The following DMRT1 variants were observed in gnomAD, a reference collection of about 807,000 sequenced individuals.
DMRT1 encodes the protein doublesex- and mab-3-related transcription factor 1.
Under a neutral mutation model 32.3 loss-of-function variants are expected in DMRT1, and 7 were observed. That is an observed-to-expected ratio of 0.22 (90% confidence interval 0.12 to 0.41). DMRT1 has a LOEUF of 0.41. DMRT1 is among the 10% of genes least tolerant of loss of function. The pLI is 1.00. For synonymous variants in DMRT1, 278 were observed against 206.1 expected (o/e 1.35, Z -2.99); for missense variants, 625 against 500.5 (o/e 1.25, Z -2.37).
chr9:876,808 G>C (rs1816520706), intron 2 of DMRT1, among the ~76,000 whole-genome samples: 1 of 152,190 alleles, frequency 6.6e-6, no homozygotes, highest in East Asian at 1.9e-4. Flanking sequence ...TGAGATTACA[G>C]GCATGACCAC....
intron 2 of DMRT1, among the ~76,000 whole-genome samples, chr9:888,726 G>A (rs555615612): frequency 7.0e-6 from 1 of 143,522 alleles, no homozygotes; most frequent in South Asian, 2.2e-4. Context: ...CTGTCACAGC[G>A]ATGCAGTCAG....
chr9:948,347 A>AT (rs1819315165), intron 4 of DMRT1, among the ~76,000 whole-genome samples: 1 of 152,054 alleles, frequency 6.6e-6, no homozygotes, highest in South Asian at 2.1e-4. Context: ...TATTTGGCCC[A>AT]TTTTTTCTCC....
At position 908,389 on chromosome 9, in the gene DMRT1, T is replaced by C. The variant is rs1374977041; in HGVS notation, c.823-8374T>C. 2.6e-5 allele frequency among the ~76,000 whole-genome samples: 4 copies of C among 152,154 alleles called. No homozygotes were observed. In the East Asian group the frequency reaches 7.7e-4, roughly 29 times the overall value. ...GAGAGGATCACTTGAGCCCACGAGATTGAGGCTGCAGTGAGCTGCGATCAC... is the reference window on the plus strand; with the variant it reads ...GAGAGGATCACTTGAGCCCACGAGACTGAGGCTGCAGTGAGCTGCGATCAC... On this transcript the variant is annotated intron_variant, in intron 3 of 4. Transcript: ENST00000382276.
chr9:872,180 G>C (rs1321539990), intron 2 of DMRT1, among the ~76,000 whole-genome samples: 4 of 151,128 alleles, frequency 2.6e-5, no homozygotes, highest in Admixed American at 2.6e-4. Flanking sequence ...TCCTGCCTGA[G>C]CCTCCCGAGT....
rs745369332 is a variant in DMRT1, at chr9:894,335, CAT to C, written c.822+143_822+144del. 147 of 904,032 alleles carry C rather than the reference CAT, an allele frequency of 1.6e-4. 2 individuals are homozygous for C. The highest frequency in any genetic ancestry group is 7.2e-4 in the African/African-American group (44 of 61,336). 56.0% of individuals were successfully genotyped at this position (904,032 alleles called of 1,614,324 possible). A position where few individuals can be genotyped will look rare whatever the true frequency, so the allele number is the denominator to read the frequency against. Reference sequence around the variant, plus strand: ...CAGGTGACACACACAGGTACACACACATATGTGTGTGTGCCATTTTGCACACA... The same window carrying C: ...CAGGTGACACACACAGGTACACACACATGTGTGTGTGCCATTTTGCACACA... On this transcript the variant is annotated intron_variant, in intron 3 of 4. Transcript: ENST00000382276.
intron 4 of DMRT1, among the ~76,000 whole-genome samples, chr9:951,936 A>G (rs1282391141): frequency 6.6e-6 from 1 of 152,226 alleles, no homozygotes; most frequent in African/African-American, 2.4e-5. Flanking sequence ...GAGGGGGGCC[A>G]GTGTCCATTC....
At chr9:885,306 G>C (rs1182055337) in intron 2 of DMRT1, among the ~76,000 whole-genome samples, 1 of 152,218 alleles carries the variant, frequency 6.6e-6, no homozygotes, top group African/African-American at 2.4e-5. Context: ...AGGGCTTTCT[G>C]TATCCCCTGG....
chr9:874,677 G>C (rs1261708709), intron 2 of DMRT1, among the ~76,000 whole-genome samples: 2 of 151,890 alleles, frequency 1.3e-5, no homozygotes, highest in African/African-American at 4.8e-5. Flanking sequence ...GTGAAATTTA[G>C]GTATGCATCC....
At chr9:949,177 A>G (rs1045268821) in intron 4 of DMRT1, among the ~76,000 whole-genome samples, 3 of 152,076 alleles carry the variant, frequency 2.0e-5, no homozygotes, top group South Asian at 2.1e-4. Context: ...GTTTAAGATC[A>G]GCCTGGGCAA....
At chr9:900,834 G>A (rs1817545084) in intron 3 of DMRT1, among the ~76,000 whole-genome samples, 2 of 151,658 alleles carry the variant, frequency 1.3e-5, no homozygotes, top group Admixed American at 1.3e-4. Context: ...ACAGGTGTGT[G>A]CCACCATGCC....
At chr9:962,957 G>C (rs1255858368) in intron 4 of DMRT1, among the ~76,000 whole-genome samples, 1 of 152,134 alleles carries the variant, frequency 6.6e-6, no homozygotes, top group Non-Finnish European at 1.5e-5. Context: ...GCTTGGCTCT[G>C]TTCCTTTTGA....
chr9:868,496 C>G (rs759012964), intron 2 of DMRT1, among the ~76,000 whole-genome samples: 2 of 152,102 alleles, frequency 1.3e-5, no homozygotes, highest in African/African-American at 2.4e-5. Flanking sequence ...CAAGAAGTTA[C>G]CAAACCTGGA....
chr9:957,878 C>T (rs964213747), intron 4 of DMRT1, among the ~76,000 whole-genome samples: 1 of 152,080 alleles, frequency 6.6e-6, no homozygotes, highest in African/African-American at 2.4e-5. Context: ...GATGTGGTGG[C>T]GGGCGCCTGT....
intron 3 of DMRT1, among the ~76,000 whole-genome samples, chr9:898,843 T>C (rs1206905848): frequency 6.6e-6 from 1 of 152,224 alleles, no homozygotes. Context: ...TTTTTCTTTT[T>C]AGATTGTGAT....
chr9:948,853 C>T (rs1481636721), intron 4 of DMRT1, among the ~76,000 whole-genome samples: 5 of 150,974 alleles, frequency 3.3e-5, no homozygotes, highest in Non-Finnish European at 5.9e-5. Context: ...GTCAGGAGTT[C>T]GAAACCAGCC....
At chr9:957,988 G>T (rs1372626475) in intron 4 of DMRT1, among the ~76,000 whole-genome samples, 1 of 152,110 alleles carries the variant, frequency 6.6e-6, no homozygotes, top group Non-Finnish European at 1.5e-5. Context: ...CAGCTTGGGG[G>T]ATAGAGCGAG....
intron 3 of DMRT1, among the ~76,000 whole-genome samples, chr9:901,658 C>A (rs545709558): frequency 6.6e-6 from 1 of 151,590 alleles, no homozygotes; most frequent in Admixed American, 6.6e-5. Context: ...TAGTAGGAGA[C>A]TTCACATGAG....
chr9:917,936 T>C (rs1226116198), intron 4 of DMRT1, among the ~76,000 whole-genome samples: 4 of 152,246 alleles, frequency 2.6e-5, no homozygotes, highest in African/African-American at 9.6e-5. Flanking sequence ...TCACTTTTAT[T>C]AAGAATCACT....
chr9:907,783 A>G (rs891439850), intron 3 of DMRT1, among the ~76,000 whole-genome samples: 3 of 151,792 alleles, frequency 2.0e-5, no homozygotes, highest in South Asian at 2.1e-4. Flanking sequence ...GTTCTGTTCT[A>G]TTCTATTGCA....
Sources: gnomAD v4.1 joint callset for allele counts (sites outside exome capture counted in the v4.1 genomes callset) on GRCh38, gnomAD v4.1.1 for gene constraint, MANE v1.5 for transcripts, NCBI Gene and HGNC (gene_info 2026-07-23, HGNC 2026-07-21) for gene names.